Variants in SPMIP9 observed in about 807,000 individuals in gnomAD.
The protein encoded by SPMIP9 is protein SPMIP9.
the SPMIP9 span, among the ~76,000 whole-genome samples, chr2:88,528,363 C>G: frequency 6.6e-6 from 1 of 152,248 alleles, no homozygotes; most frequent in African/African-American, 2.4e-5. Context: ...GTCTTGGACT[C>G]CTGTCCTCAA....
chr2:88,528,109 C>T, the SPMIP9 span, among the ~76,000 whole-genome samples: 1,606 of 148,696 alleles, frequency 0.011, 18 homozygotes, highest in Non-Finnish European at 0.018. Flanking sequence ...AATTTGTAGA[C>T]GTTCTAAAAA....
the SPMIP9 span, chr2:88,525,750 CT>C: frequency 4.9e-6 from 7 of 1,423,736 alleles, no homozygotes; most frequent in Non-Finnish European, 5.9e-6. Context: ...GGGCCAGGCT[CT>C]TTCTAGAAGC....
At chr2:88,528,353 G>C in the SPMIP9 span, among the ~76,000 whole-genome samples, 1 of 152,072 alleles carries the variant, frequency 6.6e-6, no homozygotes, top group Admixed American at 6.6e-5. Context: ...GGCCAGGCTG[G>C]TCTTGGACTC....
chr2:88,527,744 T>A, the SPMIP9 span, among the ~76,000 whole-genome samples: 1 of 152,194 alleles, frequency 6.6e-6, no homozygotes, highest in South Asian at 2.1e-4. Flanking sequence ...GAAGATGAGA[T>A]AAGTCACATC....
the SPMIP9 span, chr2:88,526,327 C>G: frequency 8.6e-7 from 1 of 1,168,284 alleles, no homozygotes. Flanking sequence ...GTCCTACAAA[C>G]AGCAAGAAGC....
chr2:88,529,296 ACCCCAACCAGGTCCTC>A, the SPMIP9 span: 5 of 1,614,068 alleles, frequency 3.1e-6, no homozygotes, highest in Non-Finnish European at 4.2e-6. Flanking sequence ...GCCCAGGGTG[ACCCCAACCAGGTCCTC>A]CAGAGTGCTG....
chr2:88,529,066 T>C, the SPMIP9 span: 7 of 1,612,206 alleles, frequency 4.3e-6, no homozygotes, highest in Non-Finnish European at 5.9e-6. Flanking sequence ...CAAAGCTCGA[T>C]GCTCAACTCC....
At chr2:88,527,367 G>A in the SPMIP9 span, among the ~76,000 whole-genome samples, 12 of 152,180 alleles carry the variant, frequency 7.9e-5, no homozygotes, top group East Asian at 3.9e-4. Context: ...GTTGGTGCAC[G>A]CTTGTATTTT....
the SPMIP9 span, chr2:88,526,472 A>G: frequency 2.2e-5 from 35 of 1,613,988 alleles, no homozygotes; most frequent in Middle Eastern, 1.6e-4. Context: ...AGGAAGCACA[A>G]ATACTCCAGG....
At chr2:88,528,996 C>T in the SPMIP9 span, 2 of 1,535,368 alleles carry the variant, frequency 1.3e-6, no homozygotes, top group South Asian at 2.5e-5. Context: ...CCAAGAAAAG[C>T]TACATCATCT....
At chr2:88,525,501 T>A in the SPMIP9 span, 6 of 887,552 alleles carry the variant, frequency 6.8e-6, no homozygotes, top group African/African-American at 1.6e-5. Flanking sequence ...ACATGCAGGG[T>A]AGGAGCCCAG....
At chr2:88,528,528 A>G in the SPMIP9 span, among the ~76,000 whole-genome samples, 1 of 152,166 alleles carries the variant, frequency 6.6e-6, no homozygotes, top group Non-Finnish European at 1.5e-5. Flanking sequence ...AGGGAATGTG[A>G]ATTCTAATTG....
chr2:88,525,883 TGCACTTATTAG>T, the SPMIP9 span, among the ~76,000 whole-genome samples: 161 of 152,098 alleles, frequency 1.1e-3, 2 homozygotes, highest in African/African-American at 3.8e-3. Flanking sequence ...TTACTCAGCA[TGCACTTATTAG>T]GCACCCACAG....
chr2:88,527,180 C>T, the SPMIP9 span, among the ~76,000 whole-genome samples: 1 of 152,016 alleles, frequency 6.6e-6, no homozygotes, highest in Admixed American at 6.6e-5. Flanking sequence ...TAATCATTCC[C>T]TTGTAGGCCA....
At chr2:88,525,695 CCT>C in the SPMIP9 span, 1 of 1,614,058 alleles carries the variant, frequency 6.2e-7, no homozygotes, top group Non-Finnish European at 8.5e-7. Context: ...GTTTCTGTCC[CCT>C]GTGACGGTCT....
chr2:88,529,366 G>A, the SPMIP9 span: 3 of 1,614,164 alleles, frequency 1.9e-6, no homozygotes, highest in Non-Finnish European at 2.5e-6. Flanking sequence ...CTGCTGCAGA[G>A]ATGGCCAAAG....
chr2:88,525,188 G>T, the SPMIP9 span, among the ~76,000 whole-genome samples: 1 of 152,174 alleles, frequency 6.6e-6, no homozygotes, highest in Admixed American at 6.5e-5. Context: ...AGCCCATCCT[G>T]TGCATATCTG....
chr2:88,524,724 G>A, the SPMIP9 span: 1 of 152,308 alleles, frequency 6.6e-6, no homozygotes, highest in Non-Finnish European at 1.5e-5. Flanking sequence ...CCTGGCAGAA[G>A]AAGCGGTAGG....
chr2:88,527,315 G>A, the SPMIP9 span, among the ~76,000 whole-genome samples: 1 of 152,006 alleles, frequency 6.6e-6, no homozygotes, highest in Non-Finnish European at 1.5e-5. Flanking sequence ...CTGACATGGC[G>A]AAATCCCGTC....
Sources: gnomAD v4.1 joint callset for allele counts (sites outside exome capture counted in the v4.1 genomes callset) on GRCh38, gnomAD v4.1.1 for gene constraint, MANE v1.5 for transcripts, NCBI Gene and HGNC (gene_info 2026-07-23, HGNC 2026-07-21) for gene names.